Variants in PTPRD observed in about 807,000 individuals in gnomAD.
PTPRD encodes the protein receptor-type tyrosine-protein phosphatase delta.
In PTPRD, 34 loss-of-function variants were observed where a neutral mutation model predicts 214.5. That is an observed-to-expected ratio of 0.16 (90% CI 0.12 to 0.21). PTPRD has a LOEUF of 0.21. PTPRD is among the 10% of genes least tolerant of loss of function. The pLI is 1.00. For synonymous variants in PTPRD, 1,128 were observed against 845.7 expected, an observed-to-expected ratio of 1.33 and a Z score of -5.79; for missense variants, 2,545 against 2,398.7, an observed-to-expected ratio of 1.06 and a Z score of -1.27.
intron 4 of PTPRD, among the ~76,000 whole-genome samples, chr9:9,952,633 T>C (rs550957174): frequency 6.6e-6 from 1 of 152,188 alleles, no homozygotes; most frequent in Non-Finnish European, 1.5e-5. Flanking sequence ...ACTATATATA[T>C]AATAACTATT....
At chr9:8,997,587 T>C (rs2099401858) in intron 11 of PTPRD, among the ~76,000 whole-genome samples, 1 of 152,028 alleles carries the variant, frequency 6.6e-6, no homozygotes, top group Admixed American at 6.6e-5. Context: ...TTCTTGCACC[T>C]CCCTGTTCGC....
intron 3 of PTPRD, among the ~76,000 whole-genome samples, chr9:10,326,607 A>G (rs1428888956): frequency 1.3e-5 from 2 of 151,680 alleles, no homozygotes; most frequent in Non-Finnish European, 1.5e-5. Context: ...TTTATTGAAT[A>G]TTAATTATGA....
intron 8 of PTPRD, among the ~76,000 whole-genome samples, chr9:9,525,729 A>C (rs1484385690): frequency 6.6e-6 from 1 of 152,116 alleles, no homozygotes; most frequent in Non-Finnish European, 1.5e-5. Flanking sequence ...AAATATCTAG[A>C]AATATGTATA....
At chr9:8,575,500 G>A (rs1332115277) in intron 14 of PTPRD, among the ~76,000 whole-genome samples, 1 of 152,066 alleles carries the variant, frequency 6.6e-6, no homozygotes, top group Non-Finnish European at 1.5e-5. Flanking sequence ...TAAATTACAG[G>A]CTAGTAAGTA....
chr9:8,845,029 T>C (rs984980869), intron 11 of PTPRD, among the ~76,000 whole-genome samples: 6 of 152,146 alleles, frequency 3.9e-5, no homozygotes, highest in Non-Finnish European at 7.4e-5. Context: ...ACAAGTATAA[T>C]AGTGCTTTAC....
intron 9 of PTPRD, among the ~76,000 whole-genome samples, chr9:9,344,936 G>GA (rs1294086668): frequency 4.6e-5 from 7 of 151,960 alleles, no homozygotes; most frequent in South Asian, 2.1e-4. Flanking sequence ...AGGAGTTTCT[G>GA]AAAAAATGTT....
chr9:9,449,892 C>T (rs771035224), intron 8 of PTPRD, among the ~76,000 whole-genome samples: 1 of 151,848 alleles, frequency 6.6e-6, no homozygotes, highest in Non-Finnish European at 1.5e-5. Context: ...CCAACCCACC[C>T]TTCCTCCCAA....
At chr9:9,685,242 T>C (rs573583521) in intron 7 of PTPRD, among the ~76,000 whole-genome samples, 2 of 146,858 alleles carry the variant, frequency 1.4e-5, no homozygotes, top group African/African-American at 5.0e-5. Flanking sequence ...TATTTTTGTA[T>C]AGCATATATA....
intron 3 of PTPRD, 109 bp from the exon 4 acceptor site, chr9:10,033,899 T>C (rs969633393): frequency 2.6e-5 from 4 of 152,100 alleles, no homozygotes; most frequent in African/African-American, 7.2e-5. Flanking sequence ...AAAACTGCCT[T>C]GTAGATAAAT....
intron 11 of PTPRD, among the ~76,000 whole-genome samples, chr9:8,923,798 C>G (rs1335324742): frequency 1.3e-5 from 2 of 152,118 alleles, no homozygotes; most frequent in African/African-American, 4.8e-5. Context: ...CTCTACGTGC[C>G]AGATGGAGGT....
chr9:9,622,267 T>G (rs1390130582), intron 7 of PTPRD, among the ~76,000 whole-genome samples: 1 of 152,174 alleles, frequency 6.6e-6, no homozygotes, highest in African/African-American at 2.4e-5. Flanking sequence ...TAAATAGGGT[T>G]ATTTTCTGCT....
At chr9:9,948,086 A>C (rs1179264538) in intron 4 of PTPRD, among the ~76,000 whole-genome samples, 1 of 152,014 alleles carries the variant, frequency 6.6e-6, no homozygotes. Context: ...CAGAACATGA[A>C]GAGTAGTCAA....
At chr9:9,193,836 GTAAACT>G (rs1266989576) in intron 9 of PTPRD, among the ~76,000 whole-genome samples, 10 of 152,072 alleles carry the variant, frequency 6.6e-5, no homozygotes, top group Non-Finnish European at 2.9e-5. Context: ...TATACGCACT[GTAAACT>G]TTGGCTACAC....
chr9:9,862,187 T>C (rs1041960556), intron 5 of PTPRD, among the ~76,000 whole-genome samples: 3 of 152,090 alleles, frequency 2.0e-5, no homozygotes, highest in African/African-American at 7.2e-5. Flanking sequence ...TTGCCAAACT[T>C]GTTTGTATTG....
In PTPRD at chr9:8,851,389, C is replaced by T. The variant is rs373413078; in HGVS notation, c.-103-117443G>A. The stretch of plus-strand genomic sequence containing the variant: ...TTATTTCTAGCTTTTGCTTTAAATG[C>T]TTTCTAAGATAAACAACATACCGTG... On this transcript the variant is annotated intron_variant, in intron 11 of 45. Transcript: ENST00000381196. 6.8e-4 allele frequency among the ~76,000 whole-genome samples: 104 copies of T among 152,166 alleles called. No individual in the cohort carries two copies. The South Asian group carries it at 0.019, about 28-fold the overall frequency.
At chr9:9,731,583 A>G (rs1384235304) in intron 7 of PTPRD, among the ~76,000 whole-genome samples, 6 of 152,060 alleles carry the variant, frequency 3.9e-5, no homozygotes, top group Non-Finnish European at 7.4e-5. Context: ...TACATTAGGT[A>G]TATCTCCTAA....
Position 9,243,838 on chromosome 9 carries a change from G to A in PTPRD, c.-202-60475C>T, listed in dbSNP as rs111817172. On this transcript the variant is annotated intron_variant, in intron 9 of 45. Coordinates refer to ENST00000381196, the MANE Select transcript of PTPRD (RefSeq NM_002839.4). ...TAAAGGGTATTCAATTAGGAAAAGA[G>A]GAAGTCAAATTGTCCCTGTTTGCAG... 1.8e-3 allele frequency among the ~76,000 whole-genome samples: 275 copies of A among 152,234 alleles called. 1 individual carries two copies. Among genetic ancestry groups the A allele is most frequent in the African/African-American group, 6.2e-3 (256 of 41,530 alleles).
chr9:9,495,621 G>A (rs1371952227), intron 8 of PTPRD, among the ~76,000 whole-genome samples: 1 of 152,084 alleles, frequency 6.6e-6, no homozygotes, highest in Non-Finnish European at 1.5e-5. Context: ...AGGGGAAGAT[G>A]ATCTGCCCTT....
At chr9:9,023,595 G>T (rs530135854) in intron 10 of PTPRD, among the ~76,000 whole-genome samples, 3 of 151,784 alleles carry the variant, frequency 2.0e-5, no homozygotes, top group Admixed American at 1.3e-4. Context: ...TGTTACAGGG[G>T]TATATCGCAT....
Sources: allele counts gnomAD v4.1 joint callset (sites outside exome capture counted in the v4.1 genomes callset), GRCh38; gene constraint gnomAD v4.1.1; transcripts MANE v1.5; gene names NCBI Gene and HGNC (gene_info 2026-07-23, HGNC 2026-07-21).